PTBP1: variants seen among roughly 807,000 people sequenced by gnomAD.
PTBP1 encodes the protein polypyrimidine tract binding protein 1, also known as polypyrimidine tract-binding protein 1.
Under a neutral mutation model 59.8 loss-of-function variants are expected in PTBP1, and 8 were observed. The ratio of observed to expected loss-of-function variants is 0.13; its 90% CI spans 0.08 to 0.24. PTBP1 has a LOEUF of 0.24. Among genes scored for constraint, PTBP1 ranks in the 10% least tolerant of loss-of-function variants. The pLI, the probability that PTBP1 is intolerant of heterozygous loss-of-function variation, is 1.00. For missense variants in PTBP1, 686 were observed against 767.0 expected (o/e 0.89, Z 1.25); for synonymous variants, 490 against 320.7 (o/e 1.53, Z -5.64).
In PTBP1 at chr19:809,308, A is replaced by G. The variant is rs1157127027; in HGVS notation, c.1463+546A>G. Among the ~76,000 whole-genome samples the G allele has an allele frequency of 6.1e-5, 4 of 65,276 alleles. No homozygotes were observed. The African/African-American group carries it at 6.1e-4, about 10-fold the overall frequency. 42.8% of individuals were successfully genotyped at this position (65,276 alleles called of 152,430 possible). ...GGCGTGAGCCACCGCGCCTAGCCAC[A>G]TTTATTTATTTATTTATTTATTTTA... On this transcript the variant is annotated intron_variant, in intron 13 of 14. Coordinates refer to ENST00000356948, the MANE Select transcript of PTBP1 (RefSeq NM_002819.5).
intron 7 of PTBP1, 35 bp from the exon 8 acceptor site, chr19:804,978 G>T: frequency 1.2e-6 from 2 of 1,612,410 alleles, no homozygotes; most frequent in Non-Finnish European, 1.7e-6. Flanking sequence ...CCCTGGCCCT[G>T]GCCCGGCGAC....
At chr19:809,292 C>T (rs990401878) in intron 13 of PTBP1, among the ~76,000 whole-genome samples, 1 of 151,068 alleles carries the variant, frequency 6.6e-6, no homozygotes, top group Non-Finnish European at 1.5e-5. Flanking sequence ...AGGCGTGAGC[C>T]ACCGCGCCTA....
intron 2 of PTBP1, among the ~76,000 whole-genome samples, chr19:802,206 C>T (rs1299292259): frequency 6.6e-6 from 1 of 152,212 alleles, no homozygotes; most frequent in Admixed American, 6.5e-5. Context: ...GCCGGAGTCT[C>T]CCGAGGCTCT....
At chr19:800,557 A>G (rs1270009755) in intron 2 of PTBP1, among the ~76,000 whole-genome samples, 1 of 152,144 alleles carries the variant, frequency 6.6e-6, no homozygotes. Context: ...GGGCGAGCCC[A>G]CAGTGGTGGC....
intron 1 of PTBP1, among the ~76,000 whole-genome samples, chr19:797,824 G>A (rs1023758701): frequency 8.8e-5 from 13 of 147,988 alleles, no homozygotes; most frequent in African/African-American, 2.9e-4. Context: ...GGCGGCGCGC[G>A]GCCCTTCCCG....
chr19:806,446 C>G lies in PTBP1; in HGVS notation c.1009C>G (p.Leu337Val), dbSNP rs1407851933. The G allele has an allele frequency of 1.2e-6, 2 of 1,601,816 alleles. No individual in the cohort carries two copies. The highest frequency in any genetic ancestry group is 1.7e-6 in the Non-Finnish European group (2 of 1,174,444). Residue 337 changes from leucine to valine, a missense_variant, in exon 10 of 15, where the codon CTG becomes GTG. By Grantham distance (32) the Leu-to-Val change is conservative. Transcript: ENST00000356948. ...GAACGTCCACGGCGCCCTGGCCCCC[C>G]TGGCCATCCCCTCGGCGGCGGCGGC... ...VPNVHGALAP[L>V]AIPSAAAAAA...
rs2034826506 is a variant in PTBP1 at position 810,769 on chromosome 19, C to T, written c.1617C>T (p.Asn539=). The change falls in exon 15 of 15, where the codon AAC becomes AAT. Residue 539 remains asparagine (N), a synonymous_variant. Transcript: ENST00000356948. ...EAVQALIDLH[N]HDLGENHHLR... is the part of the protein sequence containing the mutation. ...TCCAGGCCCTCATTGACCTGCACAA[C>T]CACGACCTCGGGGAGAACCACCACC... 2 of 1,606,116 alleles carry T rather than the reference C, an allele frequency of 1.2e-6. No individual in the cohort carries two copies. The highest frequency in any genetic ancestry group is 1.1e-5 in the South Asian group (1 of 89,700).
In PTBP1 at chr19:810,595, G is replaced by A. The variant is rs758967858; in HGVS notation, c.1516G>A (p.Val506Ile). 5.6e-6 allele frequency: 9 copies of A among 1,613,490 alleles called. No homozygotes were observed. Among genetic ancestry groups the A allele is most frequent in the African/African-American group, 4.0e-5 (3 of 74,876 alleles). ...LKVLFSSNGG[V>I]VKGFKFFQKD... ...GGTCCTGTTTTCCAGCAATGGGGGC[G>A]TCGTCAAAGGATTCAAGTTCTTCCA... is the stretch of plus-strand genomic sequence containing the variant. Residue 506 changes from valine (V) to isoleucine (I), a missense_variant, in exon 14 of 15, where the codon GTC becomes ATC. Coordinates refer to ENST00000356948, the MANE Select transcript of PTBP1 (RefSeq NM_002819.5).
In PTBP1 at chr19:808,852, G is replaced by GT; in HGVS notation, c.1463+93dup. The GT allele has an allele frequency of 3.2e-6, 4 of 1,266,986 alleles. No individual in the cohort carries two copies. The highest frequency in any genetic ancestry group is 2.2e-6 in the Non-Finnish European group (2 of 894,680). 78.5% of individuals were successfully genotyped at this position (1,266,986 alleles called of 1,614,324 possible). On this transcript the variant is annotated intron_variant, in intron 13 of 14. Coordinates refer to ENST00000356948, the MANE Select transcript of PTBP1 (RefSeq NM_002819.5). This position sits in a 1 kb window ranked among gnomAD's most constrained non-coding sequence, Gnocchi z 4.7. ...CCGCGTCGGTGTGTGGACTTCTGGC[G>GT]TTTCCAGAGTGCAGGTCGGGCACCT...
At chr19:810,663 C>T (rs773113576) in intron 14 of PTBP1, 31 bp from the exon 15 acceptor site, 7 of 1,612,026 alleles carry the variant, frequency 4.3e-6, no homozygotes, top group South Asian at 3.3e-5. Context: ...CCAGGCTGCC[C>T]TGCGGCCGGC....
chr19:801,175 G>A (rs1257052595), intron 2 of PTBP1, among the ~76,000 whole-genome samples: 1 of 152,184 alleles, frequency 6.6e-6, no homozygotes, highest in African/African-American at 2.4e-5. Flanking sequence ...GTCCTGGGGC[G>A]TTTCCTGTCA....
chr19:804,048 A>G lies in PTBP1; in HGVS notation c.128A>G (p.Asp43Gly). The change falls in exon 4 of 15, where the codon GAC becomes GGC. Residue 43 changes from aspartate to glycine, a missense_variant. Asp to Gly is a moderately conservative substitution (Grantham distance 94). Coordinates refer to ENST00000356948, the MANE Select transcript of PTBP1 (RefSeq NM_002819.5). Reference sequence around the variant, plus strand: ...ACCCCCTTTTCAGCAAACGGAAATGACAGCAAGAAGTTCAAAGGTGACAGC... The same window carrying G: ...ACCCCCTTTTCAGCAAACGGAAATGGCAGCAAGAAGTTCAAAGGTGACAGC... ...SNSASAANGN[D>G]SKKFKGDSRS... is the part of the protein sequence containing the mutation. 6.2e-7 allele frequency: 1 copy of G among 1,614,008 alleles called. No individual in the cohort carries two copies. Among genetic ancestry groups the G allele is most frequent in the Non-Finnish European group, 8.5e-7 (1 of 1,179,990 alleles).
At chr19:809,992 T>C (rs1446386551) in intron 13 of PTBP1, among the ~76,000 whole-genome samples, 1 of 152,146 alleles carries the variant, frequency 6.6e-6, no homozygotes, top group Non-Finnish European at 1.5e-5. Flanking sequence ...TTTAACACGT[T>C]ACTTGTGAAA....
In PTBP1 at chr19:803,777, C is replaced by G. The variant is rs181322589; in HGVS notation, c.115+141C>G. On this transcript the variant is annotated intron_variant, in intron 3 of 14. Coordinates refer to ENST00000356948, the MANE Select transcript of PTBP1 (RefSeq NM_002819.5). ...CGCTACAGACCCAGGTCCAAGTTCT[C>G]GCTGCAGAGAATTTCCAGGGAGGCG... The G allele has an allele frequency of 4.3e-5, 37 of 854,680 alleles. No homozygotes were observed. The African/African-American group carries it at 5.1e-4, about 12-fold the overall frequency. 52.9% of individuals were successfully genotyped at this position (854,680 alleles called of 1,614,324 possible). A position where few individuals can be genotyped will look rare whatever the true frequency, so the allele number is the denominator to read the frequency against.
chr19:801,855 C>T (rs761117156), intron 2 of PTBP1, among the ~76,000 whole-genome samples: 2 of 152,152 alleles, frequency 1.3e-5, no homozygotes, highest in Non-Finnish European at 2.9e-5. Flanking sequence ...CGCAGCCCCG[C>T]CTTGTGCTCA....
intron 13 of PTBP1, among the ~76,000 whole-genome samples, chr19:809,652 G>C (rs948254276): frequency 1.2e-4 from 18 of 152,208 alleles, no homozygotes; most frequent in Admixed American, 6.5e-4. Context: ...AGTACTGTGG[G>C]GGGCCGGGCA....
chr19:802,596 TG>T, intron 2 of PTBP1, among the ~76,000 whole-genome samples: 1 of 152,182 alleles, frequency 6.6e-6, no homozygotes, highest in Non-Finnish European at 1.5e-5. Flanking sequence ...GGCCCTGTCC[TG>T]GGGGGCCTGG....
intron 13 of PTBP1, among the ~76,000 whole-genome samples, chr19:810,273 T>TC (rs535032829): frequency 1.6e-4 from 25 of 152,136 alleles, no homozygotes; most frequent in African/African-American, 2.7e-4. Context: ...GCCACTGTGC[T>TC]CCCGCCTGGG....
intron 1 of PTBP1, chr19:799,205 G>A: frequency 3.0e-6 from 2 of 655,776 alleles, no homozygotes; most frequent in South Asian, 3.4e-5. Context: ...AAGGACAATG[G>A]TGGCCCCTTT....
Sources: gnomAD v4.1 joint callset for allele counts (sites outside exome capture counted in the v4.1 genomes callset) on GRCh38, gnomAD v4.1.1 for gene constraint, Gnocchi (gnomAD v3.1) non-coding constraint, MANE v1.5 for transcripts, NCBI Gene and HGNC (gene_info 2026-07-23, HGNC 2026-07-21) for gene names.